VRK2: variants seen among roughly 807,000 people sequenced by gnomAD.
VRK2 encodes VRK serine/threonine kinase 2, also known as serine/threonine-protein kinase VRK2.
VRK2 carries 60 observed loss-of-function variants against 57.6 expected under a neutral mutation model. The observed-to-expected ratio is 1.04, with a 90% CI of 0.85 to 1.29. VRK2 has a LOEUF of 1.29. Ranked by LOEUF, VRK2 falls within the 50% of genes most tolerant of loss-of-function variation. VRK2 has a pLI of 0.00. For synonymous variants in VRK2, 231 were observed against 199.2 expected (o/e 1.16, Z -1.35); for missense variants, 705 against 588.1 (o/e 1.20, Z -2.06).
intron 12 of VRK2, among the ~76,000 whole-genome samples, chr2:58,154,153 T>C (rs1683441151): frequency 6.6e-6 from 1 of 152,080 alleles, no homozygotes; most frequent in Non-Finnish European, 1.5e-5. Flanking sequence ...TATTTGTTTC[T>C]TCCCAGATAC....
chr2:58,097,123 G>T (rs990474723), intron 7 of VRK2, among the ~76,000 whole-genome samples: 1 of 151,938 alleles, frequency 6.6e-6, no homozygotes, highest in South Asian at 2.1e-4. Flanking sequence ...TTGAGAAAAA[G>T]GTAGTCTTAT....
At chr2:57,958,902 G>GT (rs1253037385) in intron 1 of VRK2, among the ~76,000 whole-genome samples, 1 of 152,128 alleles carries the variant, frequency 6.6e-6, no homozygotes, top group East Asian at 1.9e-4. Flanking sequence ...GTCATTGCTT[G>GT]TATTCAAAGG....
chr2:57,933,197 T>C (rs900641524), intron 1 of VRK2, among the ~76,000 whole-genome samples: 1 of 152,070 alleles, frequency 6.6e-6, no homozygotes, highest in Non-Finnish European at 1.5e-5. Context: ...AAAGGGTAGT[T>C]CAAGTCCAAC....
intron 2 of VRK2, among the ~76,000 whole-genome samples, chr2:58,064,495 A>G (rs987858060): frequency 6.6e-6 from 1 of 152,184 alleles, no homozygotes; most frequent in Non-Finnish European, 1.5e-5. Flanking sequence ...AAATTAAGGC[A>G]TGTACGTTGT....
At chr2:58,092,865 C>G (rs1426244909) in intron 7 of VRK2, among the ~76,000 whole-genome samples, 2 of 152,054 alleles carry the variant, frequency 1.3e-5, no homozygotes. Context: ...TTCCTATGTC[C>G]AAGTGTTCTC....
intron 1 of VRK2, among the ~76,000 whole-genome samples, chr2:57,939,045 T>C (rs1022024517): frequency 1.3e-5 from 2 of 152,074 alleles, no homozygotes; most frequent in Non-Finnish European, 2.9e-5. Flanking sequence ...CCTGAAACTA[T>C]GTTTGAAGAG....
intron 2 of VRK2, among the ~76,000 whole-genome samples, chr2:58,026,318 GAA>G (rs1673924424): frequency 6.6e-6 from 1 of 152,006 alleles, no homozygotes; most frequent in Non-Finnish European, 1.5e-5. Flanking sequence ...ACATGTGTGA[GAA>G]AGAGAAAGTG....
At chr2:57,960,785 G>A (rs1289675075) in intron 1 of VRK2, among the ~76,000 whole-genome samples, 1 of 152,182 alleles carries the variant, frequency 6.6e-6, no homozygotes, top group Non-Finnish European at 1.5e-5. Flanking sequence ...GCATATTTTA[G>A]ACCAGGATCC....
intron 1 of VRK2, among the ~76,000 whole-genome samples, chr2:57,994,822 G>C (rs929101384): frequency 1.3e-5 from 2 of 151,840 alleles, no homozygotes; most frequent in African/African-American, 4.8e-5. Context: ...AAACAACATT[G>C]ATTTTTATCA....
intron 1 of VRK2, among the ~76,000 whole-genome samples, chr2:57,946,847 T>C (rs540913536): frequency 7.9e-5 from 12 of 152,264 alleles, no homozygotes; most frequent in South Asian, 6.2e-4. Context: ...GAAGTGAGGA[T>C]GCATGAGAGA....
rs774867819 is a variant in VRK2 at position 58,135,223 on chromosome 2, C to A, written c.856+24C>A. The A allele has an allele frequency of 1.9e-6, 3 of 1,613,392 alleles. No homozygotes were observed. The African/African-American group carries it at 4.0e-5, about 22-fold the overall frequency. On this transcript the variant is annotated intron_variant, in intron 10 of 12. Coordinates refer to ENST00000340157, the MANE Select transcript of VRK2 (RefSeq NM_006296.7). Reference sequence around the variant, plus strand: ...CTGTAAGTCAAATAATAACTTCAACCTTCTCTTACGATTTACAGGTTGCCA... The same window carrying A: ...CTGTAAGTCAAATAATAACTTCAACATTCTCTTACGATTTACAGGTTGCCA...
At chr2:58,028,027 G>C (rs1673986438) in intron 2 of VRK2, among the ~76,000 whole-genome samples, 1 of 152,188 alleles carries the variant, frequency 6.6e-6, no homozygotes, top group Non-Finnish European at 1.5e-5. Flanking sequence ...GAAGTGCCTA[G>C]TAAGAAAGAC....
At chr2:58,013,657 G>A (rs1474776840) in intron 1 of VRK2, among the ~76,000 whole-genome samples, 1 of 151,474 alleles carries the variant, frequency 6.6e-6, no homozygotes, top group Non-Finnish European at 1.5e-5. Flanking sequence ...GGATCACGAG[G>A]TCAGGAGATC....
chr2:57,924,724 G>A (rs1331132374), intron 1 of VRK2, among the ~76,000 whole-genome samples: 1 of 151,988 alleles, frequency 6.6e-6, no homozygotes, highest in African/African-American at 2.4e-5. Flanking sequence ...GCTCCAGCTA[G>A]CCTTTCCAGT....
intron 6 of VRK2, among the ~76,000 whole-genome samples, chr2:58,089,302 A>G (rs1205413922): frequency 6.6e-6 from 1 of 152,024 alleles, no homozygotes; most frequent in Non-Finnish European, 1.5e-5. Context: ...TTCACCATAG[A>G]TCTCTGATTT....
intron 2 of VRK2, among the ~76,000 whole-genome samples, chr2:58,075,264 T>C (rs1669931264): frequency 6.6e-6 from 1 of 152,138 alleles, no homozygotes; most frequent in South Asian, 2.1e-4. Flanking sequence ...GTAGTGTATA[T>C]GTACCACACT....
upstream of VRK2, chr2:58,046,635 C>G: frequency 7.1e-6 from 7 of 985,596 alleles, no homozygotes; most frequent in Non-Finnish European, 8.4e-6. Flanking sequence ...CTGGGCGTCT[C>G]CGGGGCGTGG....
chr2:58,024,206 G>A (rs1397930300), intron 1 of VRK2, among the ~76,000 whole-genome samples: 1 of 152,092 alleles, frequency 6.6e-6, no homozygotes, highest in Non-Finnish European at 1.5e-5. Context: ...GTACAAAGAT[G>A]AGGAGAGAGG....
intron 1 of VRK2, among the ~76,000 whole-genome samples, chr2:57,954,195 C>G (rs1671512255): frequency 6.6e-6 from 1 of 152,064 alleles, no homozygotes. Context: ...CTTTTCAACA[C>G]TAGACCAGAA....
Sources: allele counts gnomAD v4.1 joint callset (sites outside exome capture counted in the v4.1 genomes callset), GRCh38; gene constraint gnomAD v4.1.1; transcripts MANE v1.5; gene names NCBI Gene and HGNC (gene_info 2026-07-23, HGNC 2026-07-21).